Variants in SMC1B observed in about 807,000 individuals in gnomAD.
The protein encoded by SMC1B is structural maintenance of chromosomes protein 1B.
In SMC1B, 60 loss-of-function variants were observed where a neutral mutation model predicts 157.9. That is an observed-to-expected ratio of 0.38 (90% CI 0.31 to 0.47). SMC1B has a LOEUF of 0.47. Among genes scored for constraint, SMC1B ranks in the 20% least tolerant of loss-of-function variants. The pLI, the probability that SMC1B is intolerant of heterozygous loss-of-function variation, is 0.99. For synonymous variants in SMC1B, 445 were observed against 483.0 expected (o/e 0.92, Z 1.03); for missense variants, 1,165 against 1,426.2 (o/e 0.82, Z 2.95).
intron 5 of SMC1B, 80 bp downstream of exon 5, chr22:45,402,252 AT>A (rs2087204319): frequency 2.0e-6 from 2 of 976,596 alleles, no homozygotes; most frequent in Non-Finnish European, 3.1e-6. Context: ...TTTAAAATCA[AT>A]TTTCAAAGTG....
At chr22:45,345,067 C>A (rs1422415772) in intron 24 of SMC1B, among the ~76,000 whole-genome samples, 3 of 152,096 alleles carry the variant, frequency 2.0e-5, no homozygotes, top group East Asian at 3.8e-4. Flanking sequence ...TAATGTATTT[C>A]TTTGTTTTGT....
At chr22:45,381,777 C>G (rs913361599) in intron 12 of SMC1B, among the ~76,000 whole-genome samples, 4 of 152,136 alleles carry the variant, frequency 2.6e-5, no homozygotes, top group Non-Finnish European at 5.9e-5. Flanking sequence ...TTGTTAAAAT[C>G]TTTAAAAGCT....
At chr22:45,361,369 T>C (rs1007747201) in intron 17 of SMC1B, among the ~76,000 whole-genome samples, 3 of 152,124 alleles carry the variant, frequency 2.0e-5, no homozygotes, top group African/African-American at 4.8e-5. Flanking sequence ...TCCCAGCACT[T>C]TGGGAGGCTG....
chr22:45,372,729 T>C (rs78577829), intron 12 of SMC1B, among the ~76,000 whole-genome samples: 1 of 150,260 alleles, frequency 6.7e-6, no homozygotes, highest in South Asian at 2.1e-4. Flanking sequence ...TTTTTTTTTT[T>C]TGAGACAGAG....
chr22:45,412,429 G>C (rs571376043), intron 1 of SMC1B, among the ~76,000 whole-genome samples: 1 of 139,080 alleles, frequency 7.2e-6, no homozygotes, highest in Non-Finnish European at 1.5e-5. Flanking sequence ...TCGAACTCCT[G>C]ATCTCATGAT....
intron 22 of SMC1B, 97 bp from the exon 23 acceptor site, chr22:45,349,894 C>T: frequency 1.0e-6 from 1 of 959,306 alleles, no homozygotes; most frequent in Non-Finnish European, 1.6e-6. Context: ...AAATAAAACA[C>T]ATTCTTTTGG....
In SMC1B at chr22:45,359,835, C is replaced by T. The variant is rs546593612; in HGVS notation, c.2832G>A (p.Ser944=). 8 of 1,613,634 alleles carry T rather than the reference C, an allele frequency of 5.0e-6. No homozygotes were observed. The highest frequency in any genetic ancestry group is 2.7e-5 in the African/African-American group (2 of 75,030). The change falls in exon 18 of 25, where the codon TCG becomes TCA. Residue 944 remains serine (S), a synonymous_variant. Transcript: ENST00000357450. Reference sequence around the variant, plus strand: ...CTTCAATGATGTCATCCAGTGACCCCGACAAAAGGATTATCTCAATGTCTT... The same window carrying T: ...CTTCAATGATGTCATCCAGTGACCCTGACAAAAGGATTATCTCAATGTCTT... ...KVQDIEIILL[S]GSLDDIIEVE...
At chr22:45,347,050 C>G (rs1224738154) in intron 23 of SMC1B, among the ~76,000 whole-genome samples, 2 of 152,148 alleles carry the variant, frequency 1.3e-5, no homozygotes, top group Non-Finnish European at 2.9e-5. Context: ...AGACAGCCAC[C>G]AAGATTTCCC....
At chr22:45,349,634 C>A in intron 23 of SMC1B, 94 bp downstream of exon 23, 1 of 1,182,404 alleles carries the variant, frequency 8.5e-7, no homozygotes, top group South Asian at 1.3e-5. Context: ...GTGCCTAGAC[C>A]AAGGACTGAT....
intron 21 of SMC1B, among the ~76,000 whole-genome samples, chr22:45,353,216 C>T (rs1186561229): frequency 6.2e-5 from 9 of 144,368 alleles, no homozygotes; most frequent in East Asian, 4.0e-4. Flanking sequence ...GAGCCGAGAT[C>T]GCACCACTGC....
At position 45,379,288 on chromosome 22, in the gene SMC1B, C is replaced by G. The variant is rs118187499; in HGVS notation, c.2058+4179G>C. 1.9e-3 allele frequency among the ~76,000 whole-genome samples: 286 copies of G among 152,356 alleles called. 8 individuals are homozygous for G. The East Asian group carries it at 0.045, about 24-fold the overall frequency. On this transcript the variant is annotated intron_variant, in intron 12 of 24. Transcript: ENST00000357450. The stretch of plus-strand genomic sequence containing the variant: ...TACAGGCGTGGGCCACCATGCCCAG[C>G]CTCAACATTCAGTTTTAAAATGACT...
chr22:45,411,196 C>T (rs947693383), intron 1 of SMC1B, among the ~76,000 whole-genome samples: 1 of 99,852 alleles, frequency 1.0e-5, no homozygotes, highest in Non-Finnish European at 1.8e-5. Flanking sequence ...ACAACCCAAA[C>T]TATCAACTGA....
Position 45,349,803 on chromosome 22 carries a change from A to C in SMC1B, c.3426-6T>G. 6.2e-7 allele frequency: 1 copy of C among 1,604,272 alleles called. No homozygotes were observed. On this transcript the variant is annotated splice_region_variant and splice_polypyrimidine_tract_variant and intron_variant, in intron 22 of 24. Transcript: ENST00000357450. The stretch of plus-strand genomic sequence containing the variant: ...AGAATGGGGCAGGACGAAAACTAGA[A>C]AAAAATTACAATCAAGTAAGTTACA...
intron 2 of SMC1B, 65 bp from the exon 3 acceptor site, chr22:45,406,930 G>A (rs771533175): frequency 1.4e-4 from 161 of 1,117,212 alleles, no homozygotes; most frequent in Non-Finnish European, 1.9e-4. Context: ...AAAATCCACC[G>A]AAAGTTTAAT....
chr22:45,379,723 CTTTTTT>C (rs136583), intron 12 of SMC1B, among the ~76,000 whole-genome samples: 14 of 91,484 alleles, frequency 1.5e-4, no homozygotes, highest in South Asian at 8.4e-4. Context: ...TTTCTTTTTA[CTTTTTT>C]TTTTTTTTTT....
intron 12 of SMC1B, among the ~76,000 whole-genome samples, chr22:45,378,988 T>C (rs146220249): frequency 6.6e-6 from 1 of 152,340 alleles, no homozygotes; most frequent in African/African-American, 2.4e-5. Context: ...GTTTTTTTCT[T>C]TTTTCTTTTC....
In SMC1B at chr22:45,399,316, A is replaced by G; in HGVS notation, c.892T>C (p.Tyr298His). 3.1e-6 allele frequency: 5 copies of G among 1,613,550 alleles called. No individual in the cohort carries two copies. Among genetic ancestry groups the G allele is most frequent in the Non-Finnish European group, 4.2e-6 (5 of 1,179,808 alleles). Reference protein sequence around the residue: ...ETLLNQKRPQYIKAKENTSHH... With the variant: ...ETLLNQKRPQHIKAKENTSHH... The stretch of plus-strand genomic sequence containing the variant: ...GAAGTGTTTTCTTTGGCTTTAATGT[A>G]CTGAGGCCTCTTCTGATTTAAAAGG... The change falls in exon 6 of 25, where the codon TAC (tyrosine) becomes CAC (histidine). Residue 298 changes from tyrosine (Y) to histidine (H), a missense_variant. By Grantham distance (83) the Tyr-to-His change is moderately conservative (BLOSUM62 2). Coordinates refer to ENST00000357450, the MANE Select transcript of SMC1B (RefSeq NM_148674.5).
intron 23 of SMC1B, among the ~76,000 whole-genome samples, chr22:45,346,120 G>T (rs1418781547): frequency 1.3e-5 from 2 of 151,776 alleles, no homozygotes; most frequent in Non-Finnish European, 2.9e-5. Flanking sequence ...CAGGAAAATC[G>T]CTTGAACCCG....
chr22:45,379,182 A>C (rs551751748), intron 12 of SMC1B, among the ~76,000 whole-genome samples: 1 of 152,190 alleles, frequency 6.6e-6, no homozygotes, highest in African/African-American at 2.4e-5. Context: ...GGGTTTCACT[A>C]TGTTGGCCAG....
Sources: allele counts gnomAD v4.1 joint callset (sites outside exome capture counted in the v4.1 genomes callset), GRCh38; gene constraint gnomAD v4.1.1; transcripts MANE v1.5; gene names NCBI Gene and HGNC (gene_info 2026-07-23, HGNC 2026-07-21).